Variants in LRRC37A2 observed in about 807,000 individuals in gnomAD.
LRRC37A2 encodes leucine-rich repeat-containing protein 37A2.
A neutral mutation model predicts 68.8 loss-of-function variants in LRRC37A2; 9 were observed. The ratio of observed to expected loss-of-function variants is 0.13; its 90% confidence interval spans 0.08 to 0.23. LRRC37A2 has a LOEUF of 0.23. Among genes scored for constraint, LRRC37A2 ranks in the 10% least tolerant of loss-of-function variants. LRRC37A2 has a pLI of 1.00. For missense variants in LRRC37A2, 168 were observed against 950.4 expected (o/e 0.18, Z 10.82); for synonymous variants, 63 against 367.6 (o/e 0.17, Z 9.48).
At chr17:46,534,363 T>C (rs2054237927) in intron 6 of LRRC37A2, among the ~76,000 whole-genome samples, 1 of 145,124 alleles carries the variant, frequency 6.9e-6, no homozygotes, top group South Asian at 2.1e-4. Flanking sequence ...AGTGTTTGTG[T>C]CCCTGGGTAC....
At chr17:46,770,174 G>T in the LRRC37A2 span, 1 of 1,296,934 alleles carries the variant, frequency 7.7e-7, no homozygotes, top group Non-Finnish European at 1.0e-6. Flanking sequence ...CACCAGCCCT[G>T]AGGCAAGAGG....
the LRRC37A2 span, among the ~76,000 whole-genome samples, chr17:46,775,569 T>C: frequency 6.6e-6 from 1 of 151,774 alleles, no homozygotes; most frequent in Non-Finnish European, 1.5e-5. Flanking sequence ...TCTTAAGCAC[T>C]GAGCTTTTTC....
At chr17:46,751,389 C>A in the LRRC37A2 span, 1 of 728,922 alleles carries the variant, frequency 1.4e-6, no homozygotes, top group Non-Finnish European at 2.3e-6. Context: ...AGAATTCTAT[C>A]AACTTGAACA....
the LRRC37A2 span, among the ~76,000 whole-genome samples, chr17:46,944,838 G>A: frequency 6.6e-6 from 1 of 152,136 alleles, no homozygotes; most frequent in Non-Finnish European, 1.5e-5. Flanking sequence ...GACTTCAGGT[G>A]ATCCACCCAC....
chr17:46,965,708 G>A, the LRRC37A2 span, among the ~76,000 whole-genome samples: 1 of 152,020 alleles, frequency 6.6e-6, no homozygotes, highest in African/African-American at 2.4e-5. Flanking sequence ...CTGCAGCCTC[G>A]ACCTCCTGGG....
chr17:46,809,481 C>G, the LRRC37A2 span, among the ~76,000 whole-genome samples: 1 of 152,206 alleles, frequency 6.6e-6, no homozygotes, highest in African/African-American at 2.4e-5. Flanking sequence ...CCAACACACA[C>G]GTACACACAC....
At chr17:46,721,714 G>A in the LRRC37A2 span, 1 of 1,606,756 alleles carries the variant, frequency 6.2e-7, no homozygotes, top group East Asian at 2.2e-5. Context: ...TTATGAGCCG[G>A]CTGCTATCTA....
the LRRC37A2 span, among the ~76,000 whole-genome samples, chr17:47,000,192 AC>A: frequency 6.7e-6 from 1 of 150,232 alleles, no homozygotes; most frequent in African/African-American, 2.4e-5. Flanking sequence ...CATGCCTCAC[AC>A]ACTGTGGTGG....
chr17:46,917,490 C>T, the LRRC37A2 span, among the ~76,000 whole-genome samples: 4 of 152,226 alleles, frequency 2.6e-5, no homozygotes, highest in Admixed American at 2.6e-4. Context: ...GAGGCTGGTT[C>T]CCCAAAGCTT....
chr17:46,828,541 G>C, the LRRC37A2 span, among the ~76,000 whole-genome samples: 6 of 152,220 alleles, frequency 3.9e-5, no homozygotes, highest in Admixed American at 3.9e-4. Flanking sequence ...TGTCTAGGTG[G>C]GGGTGAGGTT....
At chr17:46,983,404 C>T in the LRRC37A2 span, among the ~76,000 whole-genome samples, 1 of 148,874 alleles carries the variant, frequency 6.7e-6, no homozygotes, top group African/African-American at 2.5e-5. Context: ...TCAAGTGAGG[C>T]CTGCCTCAGC....
At chr17:46,441,692 C>CA in the LRRC37A2 span, among the ~76,000 whole-genome samples, 1 of 20,022 alleles carries the variant, frequency 5.0e-5, no homozygotes, top group African/African-American at 1.5e-4. Flanking sequence ...CAAAGTATAC[C>CA]AAGAAAAAAG....
chr17:46,816,418 A>ACTATACAC, the LRRC37A2 span, among the ~76,000 whole-genome samples: 2 of 150,330 alleles, frequency 1.3e-5, no homozygotes, highest in African/African-American at 4.9e-5. Flanking sequence ...ACTTTTGCAC[A>ACTATACAC]CAGAGACACA....
At chr17:46,872,708 A>G in the LRRC37A2 span, 1 of 1,555,112 alleles carries the variant, frequency 6.4e-7, no homozygotes, top group Non-Finnish European at 8.7e-7. Flanking sequence ...CTTGAGTGCC[A>G]GTTTCAGTTC....
intron 6 of LRRC37A2, among the ~76,000 whole-genome samples, chr17:46,539,212 GAAAAA>G (rs1166753209): frequency 2.5e-5 from 1 of 40,030 alleles, no homozygotes; most frequent in Non-Finnish European, 6.7e-5. Context: ...CTCCATCTCA[GAAAAA>G]AAAAAAAAAA....
chr17:46,852,625 G>T, the LRRC37A2 span, among the ~76,000 whole-genome samples: 1 of 151,996 alleles, frequency 6.6e-6, no homozygotes, highest in South Asian at 2.1e-4. Context: ...AGGGATGGGG[G>T]CGGGTATCAT....
At chr17:46,986,225 G>A in the LRRC37A2 span, among the ~76,000 whole-genome samples, 2 of 152,108 alleles carry the variant, frequency 1.3e-5, no homozygotes, top group Non-Finnish European at 2.9e-5. Flanking sequence ...GTACCATTTA[G>A]CACAGTTTAG....
At chr17:47,029,049 G>A in the LRRC37A2 span, among the ~76,000 whole-genome samples, 1 of 152,068 alleles carries the variant, frequency 6.6e-6, no homozygotes. Flanking sequence ...CATGGTGGCG[G>A]GCGCCTGTGA....
the LRRC37A2 span, among the ~76,000 whole-genome samples, chr17:47,034,051 A>G: frequency 2.6e-4 from 40 of 152,280 alleles, no homozygotes; most frequent in African/African-American, 8.4e-4. Context: ...AAAAACACTC[A>G]AGGCTGGGCA....
Sources: gnomAD v4.1 joint callset for allele counts (sites outside exome capture counted in the v4.1 genomes callset) on GRCh38, gnomAD v4.1.1 for gene constraint, MANE v1.5 for transcripts, NCBI Gene and HGNC (gene_info 2026-07-23, HGNC 2026-07-21) for gene names.